BORCS8: variants seen among roughly 807,000 people sequenced by gnomAD.
BORCS8 encodes BLOC-1-related complex subunit 8.
In BORCS8, 13 loss-of-function variants were observed where a neutral mutation model predicts 18.7. That is an observed-to-expected ratio of 0.70 (90% confidence interval 0.45 to 1.11). BORCS8 has a LOEUF of 1.11. Among genes scored for constraint, BORCS8 ranks in the 50% least tolerant of loss-of-function variants. The pLI is 0.00. For missense variants in BORCS8, 165 were observed against 165.7 expected (o/e 1.00, Z 0.02); for synonymous variants, 68 against 64.8 (o/e 1.05, Z -0.24).
At chr19:19,189,702 G>C (rs1333252157) in intron 1 of BORCS8, among the ~76,000 whole-genome samples, 24 of 152,178 alleles carry the variant, frequency 1.6e-4, no homozygotes, top group Admixed American at 1.5e-3. Flanking sequence ...GATGGATTCA[G>C]CCTAGGAGTT....
chr19:19,186,301 C>T (rs1013656598), intron 2 of BORCS8, among the ~76,000 whole-genome samples: 2 of 152,226 alleles, frequency 1.3e-5, no homozygotes, highest in Admixed American at 6.5e-5. Context: ...AGGCTGTTCC[C>T]CCTGCCTGGC....
chr19:19,180,636 T>G, intron 5 of BORCS8, 50 bp downstream of exon 5: 2 of 1,285,934 alleles, frequency 1.6e-6, no homozygotes, highest in Non-Finnish European at 2.2e-6. Context: ...GCGGGCGGGT[T>G]GGTTAGTTCA....
chr19:19,184,503 C>T (rs1432861245), intron 3 of BORCS8, among the ~76,000 whole-genome samples: 1 of 151,916 alleles, frequency 6.6e-6, no homozygotes, highest in Non-Finnish European at 1.5e-5. Context: ...GCGGTTTCAC[C>T]GTGTTAGCCA....
At chr19:19,187,476 C>CA (rs35314944) in intron 1 of BORCS8, among the ~76,000 whole-genome samples, 46,697 of 122,058 alleles carry the variant, frequency 0.38, 7,931 homozygotes, top group Non-Finnish European at 0.43. Context: ...AACTCCATCT[C>CA]AAAAAAAAAA....
At position 19,182,234 on chromosome 19, in the gene BORCS8, G is replaced by T; in HGVS notation, c.326+339C>A. ...TGCATGTAACTCATGCCACCTCCTA[G>T]GAGGGGCCCCGCAGTGTTCTTCACA... On this transcript the variant is annotated intron_variant, in intron 4 of 5. Coordinates refer to ENST00000462790, the MANE Select transcript of BORCS8 (RefSeq NM_001145784.2). This position sits in a 1 kb window ranked among gnomAD's most constrained non-coding sequence, Gnocchi z 4.1. The T allele has an allele frequency of 2.4e-6, 1 of 419,504 alleles. No homozygotes were observed. The highest frequency in any genetic ancestry group is 3.4e-6 in the Non-Finnish European group (1 of 298,214). 26.0% of individuals were successfully genotyped at this position (419,504 alleles called of 1,614,324 possible).
chr19:19,190,825 G>A (rs1286687491), intron 1 of BORCS8, among the ~76,000 whole-genome samples: 1 of 152,026 alleles, frequency 6.6e-6, no homozygotes, highest in Non-Finnish European at 1.5e-5. Flanking sequence ...GAGCATAACA[G>A]ACAAGGCACG....
At chr19:19,185,926 G>C in intron 3 of BORCS8, 108 bp downstream of exon 3, 1 of 1,142,978 alleles carries the variant, frequency 8.7e-7, no homozygotes, top group East Asian at 2.6e-5. Context: ...CACTCGGGTA[G>C]GCCTGGCAGG....
At position 19,182,852 on chromosome 19, in the gene BORCS8, T is replaced by A. The variant is rs76682873; in HGVS notation, c.216-169A>T. ...TTTAGATTTCCCTGCTATGACTAGATGACATCTGTGCAACACAGCACATTC... is the reference window on the plus strand; with the variant it reads ...TTTAGATTTCCCTGCTATGACTAGAAGACATCTGTGCAACACAGCACATTC... On this transcript the variant is annotated intron_variant, in intron 3 of 5. Coordinates refer to ENST00000462790, the MANE Select transcript of BORCS8 (RefSeq NM_001145784.2). This position sits in a 1 kb window ranked among gnomAD's most constrained non-coding sequence, Gnocchi z 4.1. Among the ~76,000 whole-genome samples the A allele has an allele frequency of 6.6e-6, 1 of 152,166 alleles. No homozygotes were observed. The highest frequency in any genetic ancestry group is 2.4e-5 in the African/African-American group (1 of 41,436).
At chr19:19,188,582 A>G (rs2060434092) in intron 1 of BORCS8, among the ~76,000 whole-genome samples, 1 of 152,134 alleles carries the variant, frequency 6.6e-6, no homozygotes, top group Non-Finnish European at 1.5e-5. Flanking sequence ...GCATGCCCAC[A>G]GGACCTGAAA....
At chr19:19,191,010 T>G (rs543908805) in intron 1 of BORCS8, among the ~76,000 whole-genome samples, 1 of 152,294 alleles carries the variant, frequency 6.6e-6, no homozygotes, top group South Asian at 2.1e-4. Flanking sequence ...AAGTGATGTG[T>G]AGGCCTGTAT....
In BORCS8 at chr19:19,182,024, C is replaced by T. The variant is rs1399566751; in HGVS notation, c.326+549G>A. 1 of 985,348 alleles carries T rather than the reference C, an allele frequency of 1.0e-6. No homozygotes were observed. Among genetic ancestry groups the T allele is most frequent in the Non-Finnish European group, 1.2e-6 (1 of 829,976 alleles). The allele number at this position is 985,348 out of a possible 1,614,324, so 61.0% of individuals were successfully genotyped here. ...GTCCTGGGCTTAAAGCCTCCCTTGG[C>T]TCTGGGTCCTGGGACAGGGAGAGGC... On this transcript the variant is annotated intron_variant, in intron 4 of 5. Coordinates refer to ENST00000462790, the MANE Select transcript of BORCS8 (RefSeq NM_001145784.2). This position sits in a 1 kb window ranked among gnomAD's most constrained non-coding sequence, Gnocchi z 4.1.
At position 19,180,896 on chromosome 19, in the gene BORCS8, TA is replaced by T. The variant is rs1015619889; in HGVS notation, c.327-136del. 18 of 945,858 alleles carry T rather than the reference TA, an allele frequency of 1.9e-5. No homozygotes were observed. The African/African-American group carries it at 2.7e-4, about 14-fold the overall frequency. 58.6% of individuals were successfully genotyped at this position (945,858 alleles called of 1,614,324 possible). ...GCTTGAGCTTCTGGGGCATCCTGCTTAAAAGTGGGATGAGTGGGCCAGGAAC... is the reference window on the plus strand; with the variant it reads ...GCTTGAGCTTCTGGGGCATCCTGCTTAAAGTGGGATGAGTGGGCCAGGAAC... On this transcript the variant is annotated intron_variant, in intron 4 of 5. Transcript: ENST00000462790.
chr19:19,180,535 C>A, intron 5 of BORCS8, 151 bp downstream of exon 5: 1 of 651,840 alleles, frequency 1.5e-6, no homozygotes, highest in South Asian at 1.7e-5. Flanking sequence ...GACCTGCAGA[C>A]ACCCCTCCAC....
rs763223359 is a variant in BORCS8, at chr19:19,186,022, T to C, written c.215+12A>G. The C allele has an allele frequency of 1.3e-4, 194 of 1,549,986 alleles. No individual in the cohort carries two copies. The highest frequency in any genetic ancestry group is 1.5e-4 in the Non-Finnish European group (171 of 1,146,780). On this transcript the variant is annotated intron_variant, in intron 3 of 5. Coordinates refer to ENST00000462790, the MANE Select transcript of BORCS8 (RefSeq NM_001145784.2). Reference sequence around the variant, plus strand: ...AAAGGTGGCCCTGCAGCGGGGAGGCTGTGGCGCTCACCTGCAGGCGTACTC... The same window carrying C: ...AAAGGTGGCCCTGCAGCGGGGAGGCCGTGGCGCTCACCTGCAGGCGTACTC...
chr19:19,185,848 G>C (rs1324540492), intron 3 of BORCS8, among the ~76,000 whole-genome samples, 186 bp downstream of exon 3: 1 of 152,218 alleles, frequency 6.6e-6, no homozygotes, highest in Non-Finnish European at 1.5e-5. Context: ...CTGGGGAGGG[G>C]CTCAGCACAG....
At chr19:19,177,692 G>GA (rs1555777404) in intron 5 of BORCS8, 510 of 47,918 alleles carry the variant, frequency 0.011, no homozygotes, top group Admixed American at 0.017. Flanking sequence ...AAGGAAGGAA[G>GA]GAAGAGAAAA....
intron 5 of BORCS8, chr19:19,178,436 G>A (rs79222332): frequency 0.01 from 1,568 of 152,646 alleles, 40 homozygotes; most frequent in East Asian, 0.083. Flanking sequence ...GGATGACCCC[G>A]GGCCAGACTA....
intron 5 of BORCS8, chr19:19,180,416 C>G: frequency 1.9e-6 from 1 of 519,716 alleles, no homozygotes; most frequent in South Asian, 2.2e-5. Flanking sequence ...GTGGAAATCT[C>G]TGGGACTAGC....
At chr19:19,185,979 C>T in intron 3 of BORCS8, 55 bp downstream of exon 3, 4 of 1,526,356 alleles carry the variant, frequency 2.6e-6, no homozygotes, top group Non-Finnish European at 3.5e-6. Flanking sequence ...CCTGAATGCC[C>T]AGGAGGCCAG....
Sources: allele counts gnomAD v4.1 joint callset (sites outside exome capture counted in the v4.1 genomes callset), GRCh38; gene constraint gnomAD v4.1.1; non-coding constraint Gnocchi (gnomAD v3.1); transcripts MANE v1.5; gene names NCBI Gene and HGNC (gene_info 2026-07-23, HGNC 2026-07-21).